Variants in FAM149A observed in about 807,000 individuals in gnomAD.
The protein encoded by FAM149A is family with sequence similarity 149 member A.
In FAM149A, 71 loss-of-function variants were observed where a neutral mutation model predicts 78.2. That is an observed-to-expected ratio of 0.91 (90% CI 0.75 to 1.11). The LOEUF is 1.11. Ranked by LOEUF, FAM149A falls within the 50% of genes least tolerant of loss-of-function variation. FAM149A has a pLI of 0.00. For missense variants in FAM149A, 1,036 were observed against 971.0 expected (o/e 1.07, Z -0.89); for synonymous variants, 446 against 410.5 (o/e 1.09, Z -1.04).
At chr4:186,169,738 A>G in intron 13 of FAM149A, 2 of 985,320 alleles carry the variant, frequency 2.0e-6, no homozygotes. Context: ...AGTGACCCCC[A>G]CTGGGGGCGT....
intron 13 of FAM149A, among the ~76,000 whole-genome samples, chr4:186,170,082 A>T (rs1303368142): frequency 6.6e-6 from 1 of 152,200 alleles, no homozygotes; most frequent in Non-Finnish European, 1.5e-5. Flanking sequence ...CCTTTCCACC[A>T]GGTGCACAGG....
At chr4:186,136,976 T>TCTCTCTTTCTCTCTTTCTCTCTCTCTCTC (rs2099323291) in intron 1 of FAM149A, among the ~76,000 whole-genome samples, 1 of 72,092 alleles carries the variant, frequency 1.4e-5, no homozygotes, top group African/African-American at 6.2e-5. Flanking sequence ...CTCTCTCTCT[T>TCTCTCTTTCTCTCTTTCTCTCTCTCTCTC]TCTCTCTCTC....
intron 1 of FAM149A, chr4:186,133,040 G>A (rs2099321400): frequency 1.0e-6 from 1 of 985,388 alleles, no homozygotes; most frequent in African/African-American, 1.7e-5. Context: ...CACTGCTTAG[G>A]AATGTGAGTA....
intron 1 of FAM149A, chr4:186,133,157 C>T (rs1384131980): frequency 1.0e-6 from 1 of 985,300 alleles, no homozygotes; most frequent in Non-Finnish European, 1.2e-6. Flanking sequence ...CTACACACTA[C>T]ATTCTGCAAG....
At position 186,163,636 on chromosome 4, in the gene FAM149A, G is replaced by A. The variant is rs1561416613; in HGVS notation, c.1889+3G>A. On this transcript the variant is annotated splice_donor_region_variant and intron_variant, in intron 10 of 13. Transcript: ENST00000389354. ...GAAGTTCTTCGGGGAACAAAACTGT[G>A]AGTCTCATTTCTTTCATAGTAAACT... The A allele has an allele frequency of 6.2e-7, 1 of 1,610,478 alleles. No homozygotes were observed. The highest frequency in any genetic ancestry group is 1.7e-5 in the Admixed American group (1 of 59,796).
At chr4:186,139,387 T>C (rs2099324860) in intron 1 of FAM149A, among the ~76,000 whole-genome samples, 1 of 152,186 alleles carries the variant, frequency 6.6e-6, no homozygotes, top group African/African-American at 2.4e-5. Flanking sequence ...GAAATGGTAC[T>C]AAAGGTGGGG....
chr4:186,110,910 A>G (rs2099310984), intron 1 of FAM149A, among the ~76,000 whole-genome samples: 1 of 145,276 alleles, frequency 6.9e-6, no homozygotes, highest in African/African-American at 2.6e-5. Flanking sequence ...GTATATACCC[A>G]GTAATGGGAT....
chr4:186,135,449 A>G (rs2099322302), intron 1 of FAM149A, among the ~76,000 whole-genome samples: 1 of 152,174 alleles, frequency 6.6e-6, no homozygotes, highest in Non-Finnish European at 1.5e-5. Context: ...GGAAACCATG[A>G]TGTAGTGAAT....
intron 1 of FAM149A, chr4:186,110,353 A>C (rs1008948943): frequency 2.0e-6 from 2 of 980,694 alleles, no homozygotes; most frequent in African/African-American, 3.5e-5. Flanking sequence ...TCAGGGATGA[A>C]CGGTGGCTCA....
rs1467258404 is a variant in FAM149A at position 186,143,819 on chromosome 4, C to A, written c.567-5354C>A. 3.9e-5 allele frequency among the ~76,000 whole-genome samples: 6 copies of A among 152,206 alleles called. No homozygotes were observed. In the South Asian group the frequency reaches 6.2e-4, roughly 16 times the overall value. On this transcript the variant is annotated intron_variant, in intron 1 of 13. Transcript: ENST00000389354. ...GTGCTGGGATTACAGGCGTGAGCCA[C>A]CCTGGCTGGACTACTGTTTTTGTTA...
In FAM149A at chr4:186,129,129, G is replaced by A. The variant is rs116651480; in HGVS notation, c.567-20044G>A. Among the ~76,000 whole-genome samples the A allele has an allele frequency of 4.8e-3, 660 of 138,828 alleles. 5 individuals are homozygous for A. Among genetic ancestry groups the A allele is most frequent in the African/African-American group, 0.016 (618 of 37,666 alleles). 91.1% of individuals were successfully genotyped at this position (138,828 alleles called of 152,430 possible). ...TCTGTGTCTGTGTATGAGTGTGTATGTGCCTCTGTGTGTCTGTGTGTGTCT... is the reference window on the plus strand; with the variant it reads ...TCTGTGTCTGTGTATGAGTGTGTATATGCCTCTGTGTGTCTGTGTGTGTCT... On this transcript the variant is annotated intron_variant, in intron 1 of 13. Coordinates refer to ENST00000389354, the MANE Select transcript of FAM149A (RefSeq NM_001367768.3).
At position 186,157,560 on chromosome 4, in the gene FAM149A, C is replaced by G. The variant is rs1734146032; in HGVS notation, c.1421-5C>G. ...CTTGTAATATTGATTCTTCTGTTGACACAGAAGGGAAAAAACAGAGAGAAA... is the reference window on the plus strand; with the variant it reads ...CTTGTAATATTGATTCTTCTGTTGAGACAGAAGGGAAAAAACAGAGAGAAA... On this transcript the variant is annotated splice_polypyrimidine_tract_variant and splice_region_variant and intron_variant, in intron 7 of 13. Coordinates refer to ENST00000389354, the MANE Select transcript of FAM149A (RefSeq NM_001367768.3). The G allele has an allele frequency of 4.3e-6, 7 of 1,610,696 alleles. No individual in the cohort carries two copies. The highest frequency in any genetic ancestry group is 1.1e-5 in the South Asian group (1 of 90,986).
chr4:186,126,893 C>T (rs1192169692), intron 1 of FAM149A: 1 of 985,182 alleles, frequency 1.0e-6, no homozygotes, highest in Non-Finnish European at 1.2e-6. Flanking sequence ...GAGACACTTG[C>T]TCTTTATAAA....
chr4:186,169,007 G>A (rs910394666), intron 13 of FAM149A, among the ~76,000 whole-genome samples: 13 of 152,186 alleles, frequency 8.5e-5, no homozygotes, highest in Admixed American at 1.3e-4. Flanking sequence ...GGTGCTGAGC[G>A]AGGGAACTGG....
rs781534240 is a variant in FAM149A at position 186,173,692 on chromosome 4, G to GGCAGCAGCA, written c.*1723_*1731dup. Among the ~76,000 whole-genome samples, 5 of 110,254 alleles carry GGCAGCAGCA rather than the reference G, an allele frequency of 4.5e-5. 1 individual carries two copies. The highest frequency in any genetic ancestry group is 2.7e-4 in the Admixed American group (3 of 11,216). 72.3% of individuals were successfully genotyped at this position (110,254 alleles called of 152,430 possible). A position where few individuals can be genotyped will look rare whatever the true frequency, so the allele number is the denominator to read the frequency against. The stretch of plus-strand genomic sequence containing the variant: ...ATTTCTATAGCAATGAGACACATTA[G>GGCAGCAGCA]GCAGCAGCAGCAGCAGCAGCAGCAG... On this transcript the variant is annotated 3_prime_UTR_variant, in exon 14 of 14. Transcript: ENST00000389354.
chr4:186,157,796 T>C, intron 8 of FAM149A, 77 bp downstream of exon 8: 1 of 1,566,046 alleles, frequency 6.4e-7, no homozygotes. Flanking sequence ...TCTGTTAAAC[T>C]GCAGTACTGA....
intron 8 of FAM149A, among the ~76,000 whole-genome samples, chr4:186,159,921 AC>A (rs1377649550): frequency 1.6e-4 from 17 of 108,974 alleles, no homozygotes; most frequent in African/African-American, 5.7e-4. Context: ...AACAACACAC[AC>A]ACACACACAC....
At chr4:186,118,486 A>G (rs2099314646) in intron 1 of FAM149A, among the ~76,000 whole-genome samples, 1 of 152,170 alleles carries the variant, frequency 6.6e-6, no homozygotes, top group South Asian at 2.1e-4. Context: ...TTATCATTTT[A>G]TTTTTTGATT....
intron 7 of FAM149A, among the ~76,000 whole-genome samples, chr4:186,156,644 C>A (rs1460813322): frequency 6.6e-6 from 1 of 151,878 alleles, no homozygotes; most frequent in Non-Finnish European, 1.5e-5. Context: ...CACACCACTG[C>A]ACTCCAGCCT....
Sources: gnomAD v4.1 joint callset for allele counts (sites outside exome capture counted in the v4.1 genomes callset) on GRCh38, gnomAD v4.1.1 for gene constraint, MANE v1.5 for transcripts, NCBI Gene and HGNC (gene_info 2026-07-23, HGNC 2026-07-21) for gene names.